The following CPNE6 variants were observed in gnomAD, a reference collection of about 807,000 sequenced individuals.
CPNE6 encodes copine 6, also known as copine-6.
Under a neutral mutation model 71.5 loss-of-function variants are expected in CPNE6, and 33 were observed. The ratio of observed to expected loss-of-function variants is 0.46; its 90% CI spans 0.35 to 0.62. The LOEUF is 0.62. Among genes scored for constraint, CPNE6 ranks in the 20% least tolerant of loss-of-function variants. CPNE6 has a pLI of 0.00. For synonymous variants in CPNE6, 296 were observed against 293.0 expected (o/e 1.01, Z -0.10); for missense variants, 576 against 747.3 (o/e 0.77, Z 2.67).
rs779931905 is a variant in CPNE6, at chr14:24,075,614, A to T, written c.864+23A>T. 7.6e-6 allele frequency: 12 copies of T among 1,587,140 alleles called. 1 individual carries two copies. The South Asian group carries it at 1.2e-4, about 16-fold the overall frequency. On this transcript the variant is annotated intron_variant, in intron 10 of 17. Coordinates refer to ENST00000397016, the Ensembl canonical transcript of CPNE6. This position sits in a 1 kb window ranked among gnomAD's most constrained non-coding sequence, Gnocchi z 4.3. The stretch of plus-strand genomic sequence containing the variant: ...ACGGTAAATTTCACTTCCTGCTTCA[A>T]GCCTTGCCCCAGCCCCTGCCCCTAC...
exon 2 of CPNE6, chr14:24,071,527 G>GC: frequency 3.7e-5 from 20 of 536,998 alleles, no homozygotes; most frequent in South Asian, 1.2e-4. Context: ...CCCCATCCAG[G>GC]CCCCATAAAT....
intron 1 of CPNE6, 176 bp from the exon 1 acceptor site, chr14:24,071,386 A>G (rs2035891482): frequency 1.4e-6 from 2 of 1,447,270 alleles, no homozygotes; most frequent in Non-Finnish European, 1.8e-6. Context: ...TCCTGCCTCT[A>G]AGCCACCCCC....
At chr14:24,071,501 G>GGGGGCCCC in intron 1 of CPNE6, 61 bp from the exon 1 acceptor site, 32 of 1,416,650 alleles carry the variant, frequency 2.3e-5, no homozygotes, top group Non-Finnish European at 2.7e-5. Context: ...CTGGTGCTGC[G>GGGGGCCCC]CCCCCCCCCA....
Position 24,077,620 on chromosome 14 carries a change from G to A in CPNE6, c.1564G>A (p.Val522Ile). The change falls in exon 17 of 18, where the codon GTC (valine) becomes ATC (isoleucine). Residue 522 changes from valine (V) to isoleucine (I), a missense_variant. By Grantham distance (29) the Val-to-Ile change is conservative (BLOSUM62 3). Transcript: ENST00000397016. This position sits in a 1 kb window ranked among gnomAD's most constrained non-coding sequence, Gnocchi z 6.1. ...TGCCCCCTCTGCACTCGCCAAGTGTGTCCTGGCTGAGGTGCCACGGCAGGT... is the reference window on the plus strand; with the variant it reads ...TGCCCCCTCTGCACTCGCCAAGTGTATCCTGGCTGAGGTGCCACGGCAGGT... 1 of 1,592,418 alleles carries A rather than the reference G, an allele frequency of 6.3e-7. No homozygotes were observed. Among genetic ancestry groups the A allele is most frequent in the Non-Finnish European group, 8.6e-7 (1 of 1,168,756 alleles).
rs369730854 is a variant in CPNE6 at position 24,076,394 on chromosome 14, C to T, written c.1093C>T (p.Arg365Ter). Reference sequence around the variant, plus strand: ...GTTCCCAGCTTTTGGCTTTGGGGCTCGAATCCCCCCCAACTTCGAGGTAGG... The same window carrying T: ...GTTCCCAGCTTTTGGCTTTGGGGCTTGAATCCCCCCCAACTTCGAGGTAGG... Residue 365 changes from arginine to a stop codon, truncating the protein, a stop_gained, in exon 13 of 18, where the codon CGA becomes TGA. Transcript: ENST00000397016. LOFTEE classifies it high-confidence loss of function. 6.2e-6 allele frequency: 10 copies of T among 1,614,022 alleles called. No individual in the cohort carries two copies. The highest frequency in any genetic ancestry group is 1.3e-5 in the African/African-American group (1 of 74,896).
chr14:24,073,740 C>T lies in CPNE6; in HGVS notation c.348+62C>T. 1 of 1,529,052 alleles carries T rather than the reference C, an allele frequency of 6.5e-7. No homozygotes were observed. Among genetic ancestry groups the T allele is most frequent in the Non-Finnish European group, 8.8e-7 (1 of 1,132,162 alleles). 94.7% of individuals were successfully genotyped at this position (1,529,052 alleles called of 1,614,324 possible). A position where few individuals can be genotyped will look rare whatever the true frequency, so the allele number is the denominator to read the frequency against. ...CCTCCATCAGCTTTGCCTCTGGAAGCCAAAAAGAGAGAAAACATGAGCTCT... is the reference window on the plus strand; with the variant it reads ...CCTCCATCAGCTTTGCCTCTGGAAGTCAAAAAGAGAGAAAACATGAGCTCT... On this transcript the variant is annotated intron_variant, in intron 4 of 17. Transcript: ENST00000397016. The surrounding 1 kb of genome is among the most constrained non-coding windows in gnomAD (Gnocchi z 5.5).
chr14:24,071,835 C>G, intron 2 of CPNE6, 194 bp downstream of exon 1: 1 of 550,476 alleles, frequency 1.8e-6, no homozygotes, highest in East Asian at 3.0e-5. Flanking sequence ...CCCCCTCCCC[C>G]AGCCCAGACC....
At position 24,073,445 on chromosome 14, in the gene CPNE6, A is replaced by G; in HGVS notation, c.169-54A>G. The G allele has an allele frequency of 6.3e-7, 1 of 1,575,636 alleles. No homozygotes were observed. The highest frequency in any genetic ancestry group is 2.2e-5 in the East Asian group (1 of 44,612). On this transcript the variant is annotated intron_variant, in intron 3 of 17. Coordinates refer to ENST00000397016, the Ensembl canonical transcript of CPNE6. The surrounding 1 kb of genome is among the most constrained non-coding windows in gnomAD (Gnocchi z 5.5). ...ATGACTAGGGCAGTCCAGGACAGGG[A>G]AAAGTATCCTCGGTTCCCAGACAGC...
chr14:24,073,561 T>A lies in CPNE6; in HGVS notation c.231T>A (p.Leu77=). ...CTGTCTTCTCCCGGGTGCTGGCCCT[T>A]GAGTATTTTTTTGAGGAGAAGCAGC... Residue 77 remains leucine, a synonymous_variant, in exon 4 of 18, where the codon CTT becomes CTA. Transcript: ENST00000397016. This position sits in a 1 kb window ranked among gnomAD's most constrained non-coding sequence, Gnocchi z 5.5. 6.2e-7 allele frequency: 1 copy of A among 1,614,010 alleles called. No individual in the cohort carries two copies. Among genetic ancestry groups the A allele is most frequent in the Non-Finnish European group, 8.5e-7 (1 of 1,180,024 alleles).
exon 2 of CPNE6, chr14:24,071,609 G>C: frequency 7.9e-7 from 1 of 1,266,816 alleles, no homozygotes; most frequent in Non-Finnish European, 1.1e-6. Context: ...GGGCCAGAGA[G>C]CCGGAGAGAG....
In CPNE6 at chr14:24,075,900, G is replaced by C. The variant is rs199665681; in HGVS notation, c.924+14G>C. 14 of 1,613,864 alleles carry C rather than the reference G, an allele frequency of 8.7e-6. No homozygotes were observed. Among genetic ancestry groups the C allele is most frequent in the Non-Finnish European group, 1.2e-5 (14 of 1,179,920 alleles). On this transcript the variant is annotated intron_variant, in intron 11 of 17. Coordinates refer to ENST00000397016, the Ensembl canonical transcript of CPNE6. The surrounding 1 kb of genome is among the most constrained non-coding windows in gnomAD (Gnocchi z 4.3). ...ATCAGCTTCACGGTAAAGACTCAGA[G>C]GGAGGGCACACAGGCAAGAGGGAGG...
Position 24,075,466 on chromosome 14 carries a change from G to A in CPNE6, c.778-39G>A. ...TGGAAGGGAGAAAGAGGGGTCACCT[G>A]ATGGACTTGTGACCCTGAGCTTGTG... On this transcript the variant is annotated intron_variant, in intron 9 of 17. Coordinates refer to ENST00000397016, the Ensembl canonical transcript of CPNE6. This position sits in a 1 kb window ranked among gnomAD's most constrained non-coding sequence, Gnocchi z 4.3. 1 of 1,582,428 alleles carries A rather than the reference G, an allele frequency of 6.3e-7. No individual in the cohort carries two copies. Among genetic ancestry groups the A allele is most frequent in the South Asian group, 1.1e-5 (1 of 88,836 alleles).
In CPNE6 at chr14:24,077,032, A is replaced by G. The variant is rs746560680; in HGVS notation, c.1299+20A>G. ...GCCACGGTAGGAAGACATGGCGGGCAAACAGGAGCTGTCCCATGTGTCTTT... is the reference window on the plus strand; with the variant it reads ...GCCACGGTAGGAAGACATGGCGGGCGAACAGGAGCTGTCCCATGTGTCTTT... On this transcript the variant is annotated intron_variant, in intron 15 of 17. Transcript: ENST00000397016. The surrounding 1 kb of genome is among the most constrained non-coding windows in gnomAD (Gnocchi z 6.1). 6.2e-7 allele frequency: 1 copy of G among 1,607,104 alleles called. No individual in the cohort carries two copies. The highest frequency in any genetic ancestry group is 8.5e-7 in the Non-Finnish European group (1 of 1,179,924).
chr14:24,074,229 G>A lies in CPNE6; in HGVS notation c.424-62G>A. The A allele has an allele frequency of 1.3e-6, 2 of 1,597,420 alleles. No homozygotes were observed. The highest frequency in any genetic ancestry group is 1.7e-6 in the Non-Finnish European group (2 of 1,164,948). On this transcript the variant is annotated intron_variant, in intron 5 of 17. Transcript: ENST00000397016. This position sits in a 1 kb window ranked among gnomAD's most constrained non-coding sequence, Gnocchi z 4.5. ...CAGGACCACCCCCACCTAAGGGAAA[G>A]GGGATGGGGTGGCCCTTGTGGTAAG...
chr14:24,075,968 G>T lies in CPNE6; in HGVS notation c.924+82G>T. ...AAGGAAGGAGCCCAGAATCTCCACT[G>T]CCCCAACTTGGGCTGCTCATGAGCC... On this transcript the variant is annotated intron_variant, in intron 11 of 17. Coordinates refer to ENST00000397016, the Ensembl canonical transcript of CPNE6. The surrounding 1 kb of genome is among the most constrained non-coding windows in gnomAD (Gnocchi z 4.3). 1 of 1,560,918 alleles carries T rather than the reference G, an allele frequency of 6.4e-7. No individual in the cohort carries two copies. The highest frequency in any genetic ancestry group is 8.8e-7 in the Non-Finnish European group (1 of 1,134,250).
chr14:24,074,912 C>T lies in CPNE6; in HGVS notation c.672+117C>T, dbSNP rs887816873. The T allele has an allele frequency of 3.5e-6, 3 of 856,224 alleles. No homozygotes were observed. The African/African-American group carries it at 5.0e-5, about 14-fold the overall frequency. 53.0% of individuals were successfully genotyped at this position (856,224 alleles called of 1,614,324 possible). The stretch of plus-strand genomic sequence containing the variant: ...TCCCCCAAGTGATAATCACATCCCA[C>T]TGTGGGATAAATAATAGGTCACAGC... On this transcript the variant is annotated intron_variant, in intron 8 of 17. Coordinates refer to ENST00000397016, the Ensembl canonical transcript of CPNE6. This position sits in a 1 kb window ranked among gnomAD's most constrained non-coding sequence, Gnocchi z 4.5.
At position 24,077,161 on chromosome 14, in the gene CPNE6, C is replaced by T. The variant is rs200967751; in HGVS notation, c.1307C>T (p.Ser436Leu). Residue 436 changes from serine to leucine, a missense_variant, in exon 16 of 18, where the codon TCG (serine) becomes TTG (leucine). Coordinates refer to ENST00000397016, the Ensembl canonical transcript of CPNE6. This position sits in a 1 kb window ranked among gnomAD's most constrained non-coding sequence, Gnocchi z 6.1. ...CTCTCTGCTTGCCCTCAGAAGTACT[C>T]GGTGCTGCTGGTGCTCACTGACGGT... The T allele has an allele frequency of 4.8e-5, 77 of 1,602,962 alleles. 1 individual carries two copies. The Admixed American group carries it at 8.2e-4, about 17-fold the overall frequency.
chr14:24,075,981 C>A lies in CPNE6; in HGVS notation c.924+95C>A. 6.5e-7 allele frequency: 1 copy of A among 1,540,838 alleles called. No individual in the cohort carries two copies. The highest frequency in any genetic ancestry group is 9.0e-7 in the Non-Finnish European group (1 of 1,117,180). ...AGAATCTCCACTGCCCCAACTTGGGCTGCTCATGAGCCTTCGCATTGTCAG... is the reference window on the plus strand; with the variant it reads ...AGAATCTCCACTGCCCCAACTTGGGATGCTCATGAGCCTTCGCATTGTCAG... On this transcript the variant is annotated intron_variant, in intron 11 of 17. Transcript: ENST00000397016. This position sits in a 1 kb window ranked among gnomAD's most constrained non-coding sequence, Gnocchi z 4.3.
At chr14:24,071,843 A>C in intron 2 of CPNE6, 1 of 531,922 alleles carries the variant, frequency 1.9e-6, no homozygotes, top group Non-Finnish European at 3.3e-6. Flanking sequence ...CCCAGCCCAG[A>C]CCCTCCCTCA....
Sources: gnomAD v4.1 joint callset for allele counts on GRCh38, gnomAD v4.1.1 for gene constraint, Gnocchi (gnomAD v3.1) non-coding constraint, MANE v1.5 for transcripts, NCBI Gene and HGNC (gene_info 2026-07-23, HGNC 2026-07-21) for gene names.